Variants in THSD1 observed in about 807,000 individuals in gnomAD.
THSD1 encodes thrombospondin type 1 domain containing 1.
A neutral mutation model predicts 46.3 loss-of-function variants in THSD1; 34 were observed. That is an observed-to-expected ratio of 0.74 (90% CI 0.56 to 0.98). The LOEUF (loss-of-function observed/expected upper bound fraction) is 0.98. Among genes scored for constraint, THSD1 ranks in the 50% least tolerant of loss-of-function variants. The probability of loss-of-function intolerance (pLI) is 0.00; values close to 1 mark genes in which losing one functional copy is unlikely to be tolerated. For missense variants in THSD1, 1,023 were observed against 1,058.3 expected (o/e 0.97, Z 0.46); for synonymous variants, 407 against 416.5 (o/e 0.98, Z 0.28).
rs1333415314 is a variant in THSD1 at position 52,397,232 on chromosome 13, C to A, written c.1021G>T (p.Glu341Ter). The A allele has an allele frequency of 1.6e-5, 25 of 1,557,864 alleles. No individual in the cohort carries two copies. Among genetic ancestry groups the A allele is most frequent in the Non-Finnish European group, 1.9e-5 (22 of 1,154,286 alleles). Residue 341 changes from glutamate to a stop codon, truncating the protein, a stop_gained and splice_region_variant, in exon 3 of 5, where the codon GAA becomes TAA. Transcript: ENST00000258613. LOFTEE classifies it high-confidence loss of function. Reference protein sequence around the residue: ...EECMLIQRNTETWGLWQPWSQ... With the variant: ...EECMLIQRNT The stretch of plus-strand genomic sequence containing the variant: ...ATGTTAAAAAAATCTCAATACAAAC[C>A]TGTATTTCTCTGAATTAGCATGCAC...
chr13:52,404,991 CTTTAA>C (rs150733971), intron 1 of THSD1, among the ~76,000 whole-genome samples: 1,626 of 152,270 alleles, frequency 0.011, 5 homozygotes, highest in Non-Finnish European at 0.011. Flanking sequence ...TAATATGTCT[CTTTAA>C]TTTCTTTCTA....
rs1957639250 is a variant in THSD1 at position 52,377,206 on chromosome 13, A to T, written c.*205T>A. The T allele has an allele frequency of 1.5e-6, 2 of 1,306,084 alleles. No homozygotes were observed. The highest frequency in any genetic ancestry group is 3.6e-5 in the Admixed American group (1 of 27,650). The allele number at this position is 1,306,084 out of a possible 1,614,324, so 80.9% of individuals were successfully genotyped here. The stretch of plus-strand genomic sequence containing the variant: ...TTTTATTATCATTGTTATTACTAAT[A>T]AATCAATAGAAATTGAATAACAAAG... On this transcript the variant is annotated 3_prime_UTR_variant, in exon 5 of 5. Coordinates refer to ENST00000258613, the MANE Select transcript of THSD1 (RefSeq NM_018676.4).
At position 52,398,182 on chromosome 13, in the gene THSD1, G is replaced by T; in HGVS notation, c.71C>A (p.Ala24Asp). ...TGGCTCTCTCAAGAGAAGATATTCA[G>T]CTTCTCCAAGAACTGAAATGAAGTG... ...VVLCDYVLGE[A>D]EYLLLREPGH... is the part of the protein sequence containing the mutation. Residue 24 changes from alanine (A) to aspartate (D), a missense_variant, in exon 3 of 5, where the codon GCT becomes GAT. Physicochemically the swap from Ala to Asp is moderately radical, Grantham distance 126. This residue lies in a region of THSD1 where 429 missense variants were observed against 518.3 expected (regional missense o/e 0.83). Coordinates refer to ENST00000258613, the MANE Select transcript of THSD1 (RefSeq NM_018676.4). 1.9e-6 allele frequency: 3 copies of T among 1,611,814 alleles called. No homozygotes were observed. The highest frequency in any genetic ancestry group is 2.5e-6 in the Non-Finnish European group (3 of 1,178,384).
chr13:52,386,744 T>C (rs1957733681), intron 3 of THSD1, among the ~76,000 whole-genome samples: 1 of 152,150 alleles, frequency 6.6e-6, no homozygotes, highest in Admixed American at 6.6e-5. Flanking sequence ...GGCAGCACTG[T>C]GGAAAAGACA....
intron 2 of THSD1, among the ~76,000 whole-genome samples, chr13:52,400,655 G>T: frequency 6.6e-6 from 1 of 152,110 alleles, no homozygotes; most frequent in Non-Finnish European, 1.5e-5. Flanking sequence ...ACCACATCCT[G>T]ACTACTGTAA....
chr13:52,388,083 C>T (rs770526913), intron 3 of THSD1, among the ~76,000 whole-genome samples: 26 of 151,418 alleles, frequency 1.7e-4, no homozygotes, highest in African/African-American at 5.6e-4. Context: ...AGAAGAATGA[C>T]AATAAGAATT....
At chr13:52,401,696 G>T (rs569961122) in intron 2 of THSD1, among the ~76,000 whole-genome samples, 1 of 152,216 alleles carries the variant, frequency 6.6e-6, no homozygotes, top group East Asian at 1.9e-4. Context: ...ACTGAGAAAG[G>T]AGGTCTACTG....
chr13:52,378,227 T>G lies in THSD1; in HGVS notation c.1743A>C (p.Ala581=), dbSNP rs759686998. 1 of 1,614,214 alleles carries G rather than the reference T, an allele frequency of 6.2e-7. No individual in the cohort carries two copies. Among genetic ancestry groups the G allele is most frequent in the South Asian group, 1.1e-5 (1 of 91,088 alleles). Residue 581 remains alanine, a synonymous_variant, in exon 5 of 5, where the codon GCA becomes GCC. Coordinates refer to ENST00000258613, the MANE Select transcript of THSD1 (RefSeq NM_018676.4). ...GGGATTTGATCCGGAACTTGTTTGCTGCAGCTTCTTCCGGGCTTTCCAAAT... is the reference window on the plus strand; with the variant it reads ...GGGATTTGATCCGGAACTTGTTTGCGGCAGCTTCTTCCGGGCTTTCCAAAT... ...PLDLESPEEA[A]ANKFRIKSPF...
intron 3 of THSD1, among the ~76,000 whole-genome samples, chr13:52,391,989 G>A (rs757182868): frequency 4.6e-5 from 7 of 151,746 alleles, no homozygotes; most frequent in East Asian, 3.9e-4. Flanking sequence ...TCAGGAGTTC[G>A]AGACCATCCT....
intron 1 of THSD1, 56 bp from the exon 2 acceptor site, chr13:52,402,737 T>A: frequency 3.5e-6 from 5 of 1,431,030 alleles, no homozygotes; most frequent in Non-Finnish European, 4.6e-6. Context: ...GATAAAATAG[T>A]AATCATTAAA....
chr13:52,396,025 T>C (rs1957807667), intron 3 of THSD1, among the ~76,000 whole-genome samples: 1 of 152,102 alleles, frequency 6.6e-6, no homozygotes, highest in Non-Finnish European at 1.5e-5. Flanking sequence ...TTTAGGATAT[T>C]GGCAGGAGGG....
At chr13:52,399,081 T>G (rs1403307321) in intron 2 of THSD1, among the ~76,000 whole-genome samples, 1 of 152,188 alleles carries the variant, frequency 6.6e-6, no homozygotes, top group African/African-American at 2.4e-5. Flanking sequence ...AGGGATAGGG[T>G]GAACATTTCT....
At chr13:52,392,902 T>C (rs542516202) in intron 3 of THSD1, among the ~76,000 whole-genome samples, 114 of 152,328 alleles carry the variant, frequency 7.5e-4, no homozygotes, top group African/African-American at 2.4e-3. Context: ...ATCATACTTA[T>C]GCTTGGGCCT....
In THSD1 at chr13:52,379,859, G is replaced by A. The variant is rs548869081; in HGVS notation, c.1181-1070C>T. The stretch of plus-strand genomic sequence containing the variant: ...TAAATGTACCTCTGAGAGGCACATC[G>A]GAAGTATAAAATGTGAAATGCAAAA... On this transcript the variant is annotated intron_variant, in intron 4 of 4. Coordinates refer to ENST00000258613, the MANE Select transcript of THSD1 (RefSeq NM_018676.4). 9.9e-5 allele frequency among the ~76,000 whole-genome samples: 15 copies of A among 152,210 alleles called. No homozygotes were observed. In the East Asian group the frequency reaches 2.3e-3, roughly 24 times the overall value.
At chr13:52,403,529 T>C (rs1225709782) in intron 1 of THSD1, among the ~76,000 whole-genome samples, 3 of 152,228 alleles carry the variant, frequency 2.0e-5, no homozygotes, top group African/African-American at 7.2e-5. Context: ...TCGCCTAGGC[T>C]GGAGTACAGT....
chr13:52,394,039 C>T (rs1489908036), intron 3 of THSD1, among the ~76,000 whole-genome samples: 2 of 152,164 alleles, frequency 1.3e-5, no homozygotes, highest in Non-Finnish European at 2.9e-5. Flanking sequence ...GGCAGCCCCA[C>T]AGGGAGCCCC....
chr13:52,402,156 C>A (rs1223950964), intron 2 of THSD1, among the ~76,000 whole-genome samples: 1 of 152,136 alleles, frequency 6.6e-6, no homozygotes, highest in Non-Finnish European at 1.5e-5. Flanking sequence ...TATGTTAGCA[C>A]CAAAACTCGG....
At chr13:52,391,421 T>G (rs1474534712) in intron 3 of THSD1, among the ~76,000 whole-genome samples, 1 of 152,036 alleles carries the variant, frequency 6.6e-6, no homozygotes, top group African/African-American at 2.4e-5. Context: ...TTTTGCTATG[T>G]TGCCCAGGCT....
intron 4 of THSD1, among the ~76,000 whole-genome samples, chr13:52,384,808 T>G (rs1350110660): frequency 2.6e-5 from 4 of 151,772 alleles, no homozygotes; most frequent in East Asian, 1.9e-4. Context: ...GAAGAGGACT[T>G]ATAAAGAAAA....
Sources: gnomAD v4.1 joint callset for allele counts (sites outside exome capture counted in the v4.1 genomes callset) on GRCh38, gnomAD v4.1.1 for gene constraint, gnomAD v4.1.1 regional missense constraint, MANE v1.5 for transcripts, NCBI Gene and HGNC (gene_info 2026-07-23, HGNC 2026-07-21) for gene names.